The following TRIO variants were observed in gnomAD, a reference collection of about 807,000 sequenced individuals.
The protein encoded by TRIO is trio Rho guanine nucleotide exchange factor, also known as triple functional domain protein.
Under a neutral mutation model 351.9 loss-of-function variants are expected in TRIO, and 58 were observed. The ratio of observed to expected loss-of-function variants is 0.16; its 90% confidence interval spans 0.13 to 0.21. The LOEUF (loss-of-function observed/expected upper bound fraction) is 0.21. Among genes scored for constraint, TRIO ranks in the 10% least tolerant of loss-of-function variants. TRIO has a pLI of 1.00. For missense variants in TRIO, 3,201 were observed against 4,027.8 expected (o/e 0.79, Z 5.56); for synonymous variants, 1,758 against 1,595.7 (o/e 1.10, Z -2.42).
At chr5:14,179,636 G>C (rs1789629666) in intron 1 of TRIO, among the ~76,000 whole-genome samples, 1 of 151,630 alleles carries the variant, frequency 6.6e-6, no homozygotes, top group Non-Finnish European at 1.5e-5. Context: ...TTTGGTAGCA[G>C]TGCAGTTTCA....
chr5:14,454,819 G>A (rs1753137899), intron 34 of TRIO, among the ~76,000 whole-genome samples: 1 of 152,188 alleles, frequency 6.6e-6, no homozygotes, highest in African/African-American at 2.4e-5. Flanking sequence ...GATCTTCGTG[G>A]TGTTACAGTT....
At chr5:14,392,769 G>A (rs540611092) in intron 27 of TRIO, among the ~76,000 whole-genome samples, 3 of 152,168 alleles carry the variant, frequency 2.0e-5, no homozygotes, top group Non-Finnish European at 2.9e-5. Context: ...AGTTTGGGCC[G>A]GGCACAGCGG....
chr5:14,403,373 A>G (rs1160732516), intron 31 of TRIO, among the ~76,000 whole-genome samples: 1 of 43,748 alleles, frequency 2.3e-5, no homozygotes, highest in Non-Finnish European at 3.9e-5. Flanking sequence ...GGTTGTGGTG[A>G]GGGTGTAGGT....
At chr5:14,196,890 C>A (rs183511989) in intron 1 of TRIO, among the ~76,000 whole-genome samples, 1 of 152,266 alleles carries the variant, frequency 6.6e-6, no homozygotes, top group East Asian at 1.9e-4. Flanking sequence ...AATTTTATAT[C>A]CGAAAATTAT....
rs191188380 is a variant in TRIO at position 14,202,030 on chromosome 5, A to T, written c.157+58148A>T. Among the ~76,000 whole-genome samples, 890 of 151,864 alleles carry T rather than the reference A, an allele frequency of 5.9e-3. 16 individuals are homozygous for T. The highest frequency in any genetic ancestry group is 0.02 in the African/African-American group (845 of 41,454). ...TATACCTAATGTAAATGACGAATTA[A>T]TGGGCGCAGCACACCAACATGGCAC... On this transcript the variant is annotated intron_variant, in intron 1 of 56. Coordinates refer to ENST00000344204, the MANE Select transcript of TRIO (RefSeq NM_007118.4).
chr5:14,497,971 C>T lies in TRIO; in HGVS notation c.8047+97C>T. The T allele has an allele frequency of 1.2e-6, 2 of 1,610,076 alleles. No individual in the cohort carries two copies. Among genetic ancestry groups the T allele is most frequent in the Non-Finnish European group, 1.7e-6 (2 of 1,176,642 alleles). ...AGTGTGGCCTCTGGAAATGAGTTTT[C>T]CGTGGCGCTCTAGGCGTGCATAGCA... On this transcript the variant is annotated intron_variant, in intron 51 of 56. Transcript: ENST00000344204. The surrounding 1 kb of genome is among the most constrained non-coding windows in gnomAD (Gnocchi z 4.4).
intron 21 of TRIO, among the ~76,000 whole-genome samples, chr5:14,386,739 AT>A (rs1391363540): frequency 6.6e-6 from 1 of 152,254 alleles, no homozygotes; most frequent in African/African-American, 2.4e-5. Flanking sequence ...GTGAAAAATA[AT>A]AAACTATGCT....
intron 14 of TRIO, 59 bp downstream of exon 14, chr5:14,363,986 C>A: frequency 6.5e-7 from 1 of 1,530,724 alleles, no homozygotes; most frequent in Admixed American, 2.0e-5. Flanking sequence ...CATGGCAATT[C>A]GGCTTATTTC....
chr5:14,425,199 C>T (rs1458406850), intron 34 of TRIO, among the ~76,000 whole-genome samples: 1 of 152,212 alleles, frequency 6.6e-6, no homozygotes, highest in African/African-American at 2.4e-5. Context: ...CAGAACTGAA[C>T]CTCTGTGCCC....
chr5:14,210,542 G>A (rs1217242104), intron 1 of TRIO, among the ~76,000 whole-genome samples: 1 of 152,124 alleles, frequency 6.6e-6, no homozygotes, highest in Non-Finnish European at 1.5e-5. Context: ...TTGAGAGGAG[G>A]TTATTTTGCA....
At chr5:14,156,467 C>G (rs1788106777) in intron 1 of TRIO, among the ~76,000 whole-genome samples, 1 of 152,120 alleles carries the variant, frequency 6.6e-6, no homozygotes, top group East Asian at 1.9e-4. Flanking sequence ...TACACATATG[C>G]AAACGTGATT....
chr5:14,377,696 A>G (rs934539591), intron 19 of TRIO, among the ~76,000 whole-genome samples: 2 of 152,118 alleles, frequency 1.3e-5, no homozygotes, highest in Non-Finnish European at 2.9e-5. Context: ...GTCGAATTGC[A>G]TATTATAAAA....
chr5:14,217,838 G>T (rs1792319231), intron 1 of TRIO, among the ~76,000 whole-genome samples: 1 of 152,156 alleles, frequency 6.6e-6, no homozygotes, highest in African/African-American at 2.4e-5. Flanking sequence ...CACATGGCTT[G>T]CATAAAGATT....
At chr5:14,489,831 C>T (rs950706984) in intron 48 of TRIO, among the ~76,000 whole-genome samples, 11 of 152,174 alleles carry the variant, frequency 7.2e-5, no homozygotes, top group Admixed American at 2.6e-4. Context: ...GGGAAAGTTG[C>T]TTTTGCTTTC....
intron 1 of TRIO, among the ~76,000 whole-genome samples, chr5:14,240,103 C>T: frequency 6.6e-6 from 1 of 152,180 alleles, no homozygotes; most frequent in Non-Finnish European, 1.5e-5. Flanking sequence ...GATTTTATGT[C>T]TAGTCTGTGA....
At chr5:14,231,613 A>G (rs1793434528) in intron 1 of TRIO, among the ~76,000 whole-genome samples, 1 of 152,222 alleles carries the variant, frequency 6.6e-6, no homozygotes, top group African/African-American at 2.4e-5. Context: ...TTGGAAGCAT[A>G]GAGTCGTTTC....
At chr5:14,355,707 A>C (rs1435230254) in intron 11 of TRIO, among the ~76,000 whole-genome samples, 1 of 152,242 alleles carries the variant, frequency 6.6e-6, no homozygotes, top group East Asian at 1.9e-4. Context: ...TGCCATGTTC[A>C]TGAGAATTTA....
intron 33 of TRIO, among the ~76,000 whole-genome samples, chr5:14,407,129 A>G (rs1748798838): frequency 6.6e-6 from 1 of 152,134 alleles, no homozygotes; most frequent in African/African-American, 2.4e-5. Context: ...ATCACACGGC[A>G]TCCCTGGAGG....
intron 1 of TRIO, among the ~76,000 whole-genome samples, chr5:14,232,428 C>A (rs139838096): frequency 1.2e-4 from 18 of 152,340 alleles, no homozygotes; most frequent in Middle Eastern, 3.4e-3. Context: ...ACAGCACCCC[C>A]ACTCCTTGAC....
Sources: allele counts gnomAD v4.1 joint callset (sites outside exome capture counted in the v4.1 genomes callset), GRCh38; gene constraint gnomAD v4.1.1; non-coding constraint Gnocchi (gnomAD v3.1); transcripts MANE v1.5; gene names NCBI Gene and HGNC (gene_info 2026-07-23, HGNC 2026-07-21).